Variants in DSCAM observed in about 807,000 individuals in gnomAD.
The protein encoded by DSCAM is cell adhesion molecule DSCAM.
DSCAM carries 47 observed loss-of-function variants against 217.7 expected under a neutral mutation model. The observed-to-expected ratio is 0.22, with a 90% confidence interval of 0.17 to 0.28. The LOEUF is 0.28. Ranked by LOEUF, DSCAM falls within the 10% of genes least tolerant of loss-of-function variation. The probability of loss-of-function intolerance (pLI) is 1.00; values close to 1 mark genes in which losing one functional copy is unlikely to be tolerated. For missense variants in DSCAM, 2,080 were observed against 2,618.3 expected, an observed-to-expected ratio of 0.79 and a Z score of 4.49; for synonymous variants, 1,056 against 1,015.3, an observed-to-expected ratio of 1.04 and a Z score of -0.76.
intron 4 of DSCAM, among the ~76,000 whole-genome samples, chr21:40,354,456 C>T (rs1230489850): frequency 6.6e-6 from 1 of 152,108 alleles, no homozygotes; most frequent in Admixed American, 6.5e-5. Flanking sequence ...CAGTCTCAAA[C>T]TCCTGGGCTC....
intron 11 of DSCAM, among the ~76,000 whole-genome samples, chr21:40,258,255 C>T (rs559198984): frequency 2.0e-5 from 3 of 152,264 alleles, no homozygotes; most frequent in African/African-American, 7.2e-5. Flanking sequence ...ATCAGCTCTC[C>T]TGCTCTTTCC....
chr21:40,039,004 C>G (rs2088686941), intron 32 of DSCAM, among the ~76,000 whole-genome samples: 1 of 119,812 alleles, frequency 8.3e-6, no homozygotes, highest in Admixed American at 1.2e-4. Flanking sequence ...ACATCACACT[C>G]TGGGGACTGT....
intron 1 of DSCAM, among the ~76,000 whole-genome samples, chr21:40,817,565 G>A (rs2091890451): frequency 6.6e-6 from 1 of 152,120 alleles, no homozygotes; most frequent in African/African-American, 2.4e-5. Context: ...TGTTTAAAAA[G>A]CAGAAAAGCA....
At chr21:40,264,635 A>G (rs1601497674) in intron 11 of DSCAM, among the ~76,000 whole-genome samples, 1 of 152,184 alleles carries the variant, frequency 6.6e-6, no homozygotes, top group South Asian at 2.1e-4. Flanking sequence ...GAAAGCATTC[A>G]ACTGAAGCAA....
At chr21:40,834,199 G>A (rs1188261939) in intron 1 of DSCAM, among the ~76,000 whole-genome samples, 4 of 151,864 alleles carry the variant, frequency 2.6e-5, no homozygotes, top group South Asian at 2.1e-4. Context: ...ACGAGGTCAG[G>A]AGATCAAGAC....
chr21:40,590,894 T>G (rs1016855914), intron 3 of DSCAM, among the ~76,000 whole-genome samples: 1 of 152,186 alleles, frequency 6.6e-6, no homozygotes, highest in Non-Finnish European at 1.5e-5. Flanking sequence ...ACCAACTGCC[T>G]TAGTTTGTCC....
At chr21:40,164,095 A>G (rs1485837111) in intron 16 of DSCAM, among the ~76,000 whole-genome samples, 1 of 152,172 alleles carries the variant, frequency 6.6e-6, no homozygotes, top group African/African-American at 2.4e-5. Flanking sequence ...AGGAGCTCCC[A>G]GAACAGTGGA....
intron 3 of DSCAM, among the ~76,000 whole-genome samples, chr21:40,679,076 C>A (rs1178010897): frequency 6.6e-6 from 1 of 152,184 alleles, no homozygotes; most frequent in Non-Finnish European, 1.5e-5. Flanking sequence ...GCTATGAAAT[C>A]CCAGGCTGCC....
intron 32 of DSCAM, 88 bp from the exon 33 acceptor site, chr21:40,013,474 G>A: frequency 5.1e-6 from 5 of 981,724 alleles, no homozygotes; most frequent in Non-Finnish European, 7.2e-6. Context: ...AGCCATGCGG[G>A]CTTTAGAGAT....
At chr21:40,146,061 C>A (rs955390290) in intron 16 of DSCAM, among the ~76,000 whole-genome samples, 1 of 152,090 alleles carries the variant, frequency 6.6e-6, no homozygotes, top group African/African-American at 2.4e-5. Context: ...GGATCTGGAT[C>A]TCTCAAGCCT....
At chr21:40,659,510 T>C (rs2090115573) in intron 3 of DSCAM, among the ~76,000 whole-genome samples, 1 of 152,190 alleles carries the variant, frequency 6.6e-6, no homozygotes, top group African/African-American at 2.4e-5. Context: ...TATCTATCTA[T>C]CTATCATCTG....
chr21:40,118,568 A>G (rs1220917453), intron 20 of DSCAM, among the ~76,000 whole-genome samples: 1 of 152,214 alleles, frequency 6.6e-6, no homozygotes, highest in African/African-American at 2.4e-5. Flanking sequence ...GCCTGGCGAC[A>G]GAGTGAAACT....
intron 20 of DSCAM, among the ~76,000 whole-genome samples, chr21:40,107,238 T>G (rs936646075): frequency 1.3e-5 from 2 of 150,974 alleles, no homozygotes; most frequent in Non-Finnish European, 3.0e-5. Flanking sequence ...ACCCCCAAAG[T>G]CATTCAGGAG....
chr21:40,241,378 T>C (rs999971532), intron 11 of DSCAM, among the ~76,000 whole-genome samples: 2 of 152,136 alleles, frequency 1.3e-5, no homozygotes, highest in African/African-American at 4.8e-5. Context: ...CCAACAAATA[T>C]ATGAAAAAAG....
chr21:40,516,838 T>C (rs2146075763), intron 3 of DSCAM, among the ~76,000 whole-genome samples: 1 of 151,442 alleles, frequency 6.6e-6, no homozygotes, highest in East Asian at 1.9e-4. Context: ...ATCTTGTTTA[T>C]TCATTAGACA....
At chr21:40,584,557 CT>C (rs1333264918) in intron 3 of DSCAM, among the ~76,000 whole-genome samples, 9 of 152,150 alleles carry the variant, frequency 5.9e-5, no homozygotes, top group African/African-American at 1.7e-4. Context: ...CTGCGAAGTG[CT>C]TTTACATTCA....
chr21:40,125,323 C>T (rs767115817), intron 19 of DSCAM, among the ~76,000 whole-genome samples: 3 of 152,126 alleles, frequency 2.0e-5, no homozygotes, highest in African/African-American at 7.2e-5. Flanking sequence ...ATGGCCAAGA[C>T]AAGAAGATGC....
At position 40,218,450 on chromosome 21, in the gene DSCAM, TG is replaced by T. The variant is rs1213027490; in HGVS notation, c.2357-29213del. 3.3e-5 allele frequency among the ~76,000 whole-genome samples: 5 copies of T among 152,306 alleles called. No individual in the cohort carries two copies. The South Asian group carries it at 1.0e-3, about 32-fold the overall frequency. ...GCGATGCTTCCAGCTTTGTTCTTTT[TG>T]CTTAAGATTGCTTTGGCTTTCAGGC... On this transcript the variant is annotated intron_variant, in intron 11 of 32. Transcript: ENST00000400454.
rs570942645 is a variant in DSCAM, at chr21:40,016,976, C to T, written c.5687-3590G>A. On this transcript the variant is annotated intron_variant, in intron 32 of 32. Coordinates refer to ENST00000400454, the MANE Select transcript of DSCAM (RefSeq NM_001389.5). The surrounding 1 kb of genome is among the most constrained non-coding windows in gnomAD (Gnocchi z 4.3). ...ACTGAAAATAGAAAAATCAGCTGGA[C>T]GTGGTGGTACACGCCTGTAATCCCA... Among the ~76,000 whole-genome samples the T allele has an allele frequency of 1.2e-4, 19 of 152,078 alleles. No homozygotes were observed. The highest frequency in any genetic ancestry group is 3.9e-4 in the Admixed American group (6 of 15,256).
Sources: allele counts gnomAD v4.1 joint callset (sites outside exome capture counted in the v4.1 genomes callset), GRCh38; gene constraint gnomAD v4.1.1; non-coding constraint Gnocchi (gnomAD v3.1); transcripts MANE v1.5; gene names NCBI Gene and HGNC (gene_info 2026-07-23, HGNC 2026-07-21).